Variants in NEGR1 observed in about 807,000 individuals in gnomAD.
NEGR1 encodes neuronal growth regulator 1, also known as IgLON family member 4.
NEGR1 carries 10 observed loss-of-function variants against 40.9 expected under a neutral mutation model. The ratio of observed to expected loss-of-function variants is 0.24; its 90% CI spans 0.15 to 0.42. The LOEUF (loss-of-function observed/expected upper bound fraction) is 0.42, where lower values mean the gene tolerates loss of function less well. Ranked by LOEUF, NEGR1 falls within the 10% of genes least tolerant of loss-of-function variation. NEGR1 has a pLI of 1.00. For missense variants in NEGR1, 352 were observed against 438.9 expected, an observed-to-expected ratio of 0.80 and a Z score of 1.77; for synonymous variants, 185 against 166.8, an observed-to-expected ratio of 1.11 and a Z score of -0.84.
Position 71,575,917 on chromosome 1 carries a change from A to G in NEGR1, c.940+16900T>C, listed in dbSNP as rs536923990. Among the ~76,000 whole-genome samples, 36 of 152,362 alleles carry G rather than the reference A, an allele frequency of 2.4e-4. No individual in the cohort carries two copies. The South Asian group carries it at 6.4e-3, about 27-fold the overall frequency. On this transcript the variant is annotated intron_variant, in intron 6 of 6. Transcript: ENST00000357731. ...AGGTTTTTGAGCAAATTGTTTTGTC[A>G]AAGAAGCCACGAGCCTTGTCTGCTA...
intron 4 of NEGR1, among the ~76,000 whole-genome samples, chr1:71,673,445 T>TATACACAGGA (rs869142196): frequency 6.6e-6 from 1 of 152,000 alleles, no homozygotes; most frequent in Non-Finnish European, 1.5e-5. Flanking sequence ...TAAATTTTAA[T>TATACACAGGA]ACAACTTGGT....
intron 2 of NEGR1, among the ~76,000 whole-genome samples, chr1:71,917,090 C>A (rs1570499014): frequency 6.6e-6 from 1 of 152,292 alleles, no homozygotes; most frequent in East Asian, 1.9e-4. Context: ...ATAGAGAGGA[C>A]TGAGGCCACA....
chr1:72,055,975 T>A (rs998317173), intron 1 of NEGR1, among the ~76,000 whole-genome samples: 1 of 150,672 alleles, frequency 6.6e-6, no homozygotes, highest in East Asian at 1.9e-4. Context: ...ACTTTATTAT[T>A]CCTAAAATTC....
intron 6 of NEGR1, among the ~76,000 whole-genome samples, chr1:71,467,699 A>G (rs1309106411): frequency 8.2e-6 from 1 of 121,380 alleles, no homozygotes; most frequent in East Asian, 2.1e-4. Context: ...GACCTTTTAT[A>G]AAATATTCTT....
chr1:71,605,682 C>T (rs1283484636), intron 5 of NEGR1, among the ~76,000 whole-genome samples: 1 of 152,130 alleles, frequency 6.6e-6, no homozygotes, highest in East Asian at 1.9e-4. Context: ...TACTTAACAA[C>T]CTTCTACAGT....
intron 1 of NEGR1, among the ~76,000 whole-genome samples, chr1:72,125,419 G>A (rs1445272195): frequency 6.6e-6 from 1 of 151,586 alleles, no homozygotes. Context: ...AGTATGCCAC[G>A]CTATGTACAA....
intron 1 of NEGR1, among the ~76,000 whole-genome samples, chr1:72,039,806 AT>A (rs1336978262): frequency 6.6e-6 from 1 of 151,972 alleles, no homozygotes; most frequent in African/African-American, 2.4e-5. Flanking sequence ...GAAATCTGGA[AT>A]TTTTCATGAT....
chr1:72,246,627 T>G (rs1244353857), intron 1 of NEGR1, among the ~76,000 whole-genome samples: 1 of 152,238 alleles, frequency 6.6e-6, no homozygotes, highest in East Asian at 1.9e-4. Context: ...CATTTCCAAA[T>G]GACTTAAGAG....
chr1:71,428,671 ATAAAT>A (rs1471325747), intron 6 of NEGR1, among the ~76,000 whole-genome samples: 1 of 149,078 alleles, frequency 6.7e-6, no homozygotes, highest in African/African-American at 2.4e-5. Flanking sequence ...ATTATAATAA[ATAAAT>A]TTATTTTATT....
At chr1:71,633,988 G>GA (rs1182589440) in intron 4 of NEGR1, among the ~76,000 whole-genome samples, 2 of 152,026 alleles carry the variant, frequency 1.3e-5, no homozygotes, top group African/African-American at 2.4e-5. Flanking sequence ...AATTTAAGGA[G>GA]AAAAAATTCA....
At chr1:71,857,817 C>G (rs983201984) in intron 2 of NEGR1, among the ~76,000 whole-genome samples, 2 of 151,848 alleles carry the variant, frequency 1.3e-5, no homozygotes, top group African/African-American at 4.8e-5. Context: ...TTCTTTTTGT[C>G]TCAAATATTG....
At chr1:72,102,857 T>A (rs1183738234) in intron 1 of NEGR1, among the ~76,000 whole-genome samples, 2 of 152,078 alleles carry the variant, frequency 1.3e-5, no homozygotes, top group Non-Finnish European at 2.9e-5. Context: ...CTAGAAATAT[T>A]TAAGAGGCAA....
chr1:71,497,453 G>C (rs894974950), intron 6 of NEGR1, among the ~76,000 whole-genome samples: 1 of 151,188 alleles, frequency 6.6e-6, no homozygotes, highest in African/African-American at 2.4e-5. Context: ...TTTCAAATAT[G>C]CTTTTTTCTA....
intron 4 of NEGR1, among the ~76,000 whole-genome samples, chr1:71,665,293 G>A (rs558208332): frequency 2.0e-5 from 3 of 152,292 alleles, no homozygotes; most frequent in African/African-American, 7.2e-5. Flanking sequence ...AAATTCTGAA[G>A]TTCAATGTAC....
intron 1 of NEGR1, among the ~76,000 whole-genome samples, chr1:72,111,235 TC>T (rs1439742996): frequency 6.6e-6 from 1 of 151,674 alleles, no homozygotes; most frequent in African/African-American, 2.4e-5. Flanking sequence ...TCTTCTCCTC[TC>T]TACAGTGGAG....
intron 4 of NEGR1, among the ~76,000 whole-genome samples, chr1:71,667,647 G>A (rs1181115301): frequency 6.6e-6 from 1 of 152,186 alleles, no homozygotes; most frequent in Non-Finnish European, 1.5e-5. Flanking sequence ...AGAATAATGT[G>A]TCTCAACAGT....
At chr1:71,895,543 A>T (rs866040256) in intron 2 of NEGR1, among the ~76,000 whole-genome samples, 50 of 152,320 alleles carry the variant, frequency 3.3e-4, no homozygotes, top group African/African-American at 1.1e-3. Flanking sequence ...TAAATGGAAT[A>T]ATAACATTTG....
At chr1:71,686,565 A>T (rs2101616704) in intron 4 of NEGR1, among the ~76,000 whole-genome samples, 1 of 152,284 alleles carries the variant, frequency 6.6e-6, no homozygotes, top group Admixed American at 6.5e-5. Flanking sequence ...GAAGTGGCCC[A>T]TGTCACTTCT....
intron 6 of NEGR1, among the ~76,000 whole-genome samples, chr1:71,506,726 A>T (rs1299464227): frequency 3.3e-5 from 5 of 152,102 alleles, no homozygotes; most frequent in Non-Finnish European, 5.9e-5. Flanking sequence ...GTTAGACCAG[A>T]CCTTAGGGAA....
Sources: gnomAD v4.1 joint callset for allele counts (sites outside exome capture counted in the v4.1 genomes callset) on GRCh38, gnomAD v4.1.1 for gene constraint, MANE v1.5 for transcripts, NCBI Gene and HGNC (gene_info 2026-07-23, HGNC 2026-07-21) for gene names.